Variants in QRSL1 observed in about 807,000 individuals in gnomAD.
The protein encoded by QRSL1 is glutaminyl-tRNA amidotransferase subunit QRSL1.
Under a neutral mutation model 61.6 loss-of-function variants are expected in QRSL1, and 54 were observed. The ratio of observed to expected loss-of-function variants is 0.88; its 90% CI spans 0.70 to 1.10. The LOEUF is 1.10. QRSL1 is among the 50% of genes least tolerant of loss of function. The probability of loss-of-function intolerance (pLI) is 0.00; values close to 1 mark genes in which losing one functional copy is unlikely to be tolerated. For synonymous variants in QRSL1, 228 were observed against 225.7 expected (o/e 1.01, Z -0.09); for missense variants, 505 against 622.6 (o/e 0.81, Z 2.01).
chr6:106,649,200 G>C lies in QRSL1; in HGVS notation c.556G>C (p.Ala186Pro). The change falls in exon 5 of 11, where the codon GCG becomes CCG. Residue 186 changes from alanine (A) to proline (P), a missense_variant and splice_region_variant. Ala to Pro is a conservative substitution (Grantham distance 27). Coordinates refer to ENST00000369046, the MANE Select transcript of QRSL1 (RefSeq NM_018292.5). ...AAAVSAFTCY[A>P]ALGSDTGGST... ...TGCTGTATCGGCGTTCACATGCTAC[G>C]CGTAAGATGCTTTTCTCTATCTGTA... 6.2e-7 allele frequency: 1 copy of C among 1,613,534 alleles called. No individual in the cohort carries two copies. Among genetic ancestry groups the C allele is most frequent in the South Asian group, 1.1e-5 (1 of 91,044 alleles).
chr6:106,644,445 A>G (rs1777076154), intron 4 of QRSL1, among the ~76,000 whole-genome samples: 1 of 151,868 alleles, frequency 6.6e-6, no homozygotes, highest in African/African-American at 2.4e-5. Flanking sequence ...AGCACACATC[A>G]CCTCACCTGG....
intron 7 of QRSL1, among the ~76,000 whole-genome samples, chr6:106,654,059 A>C (rs928100805): frequency 1.3e-5 from 2 of 152,120 alleles, no homozygotes; most frequent in African/African-American, 4.8e-5. Context: ...ATCTTTGAAA[A>C]TCATCTAACA....
chr6:106,643,928 A>G (rs1330055415), intron 4 of QRSL1, among the ~76,000 whole-genome samples: 2 of 150,790 alleles, frequency 1.3e-5, no homozygotes, highest in East Asian at 2.0e-4. Context: ...CTGGAATGCA[A>G]TGGTGCGATC....
chr6:106,640,173 G>T (rs1385982158), intron 1 of QRSL1, 176 bp from the exon 2 acceptor site: 1 of 589,224 alleles, frequency 1.7e-6, no homozygotes, highest in Non-Finnish European at 3.0e-6. Flanking sequence ...GCTGATCAGT[G>T]CATCACCCTT....
chr6:106,654,995 A>C, intron 8 of QRSL1, 73 bp downstream of exon 8: 2 of 1,339,764 alleles, frequency 1.5e-6, no homozygotes, highest in Non-Finnish European at 2.0e-6. Context: ...ATTAGTGACA[A>C]AAAAGTTAAT....
At chr6:106,630,204 A>C (rs969586701) in intron 1 of QRSL1, among the ~76,000 whole-genome samples, 1 of 152,172 alleles carries the variant, frequency 6.6e-6, no homozygotes, top group African/African-American at 2.4e-5. Context: ...CATGTCCTGG[A>C]CGTCGTGTTT....
chr6:106,630,079 C>T (rs997417158), intron 1 of QRSL1, among the ~76,000 whole-genome samples: 3 of 152,248 alleles, frequency 2.0e-5, no homozygotes, highest in Middle Eastern at 3.4e-3. Flanking sequence ...CTAAGAAGCC[C>T]GGCGAAACTG....
At chr6:106,644,804 C>A (rs1246691204) in intron 4 of QRSL1, among the ~76,000 whole-genome samples, 1 of 152,158 alleles carries the variant, frequency 6.6e-6, no homozygotes, top group Non-Finnish European at 1.5e-5. Context: ...TAGACGTGAG[C>A]CATCGTGCCT....
intron 4 of QRSL1, among the ~76,000 whole-genome samples, chr6:106,647,181 C>G (rs1777121987): frequency 6.6e-6 from 1 of 151,808 alleles, no homozygotes; most frequent in African/African-American, 2.4e-5. Context: ...GAACCGATAT[C>G]CAAAATACAT....
chr6:106,638,250 A>G (rs1776954454), intron 1 of QRSL1, among the ~76,000 whole-genome samples: 1 of 151,972 alleles, frequency 6.6e-6, no homozygotes, highest in South Asian at 2.1e-4. Context: ...TGATGTTAAA[A>G]CGCACTGCTC....
chr6:106,632,013 G>T (rs1776843391), intron 1 of QRSL1, among the ~76,000 whole-genome samples: 2 of 152,236 alleles, frequency 1.3e-5, no homozygotes, highest in East Asian at 1.9e-4. Flanking sequence ...CCTCCACGAG[G>T]TCAATTGTTT....
rs1379656505 is a variant in QRSL1, at chr6:106,667,596, TC to T, written c.*1595del. Reference sequence around the variant, plus strand: ...AAGAGAAAATAATGAGTCAGAATCATCTGCAGAACCACTGGAATGTTTCATC... The same window carrying T: ...AAGAGAAAATAATGAGTCAGAATCATTGCAGAACCACTGGAATGTTTCATC... On this transcript the variant is annotated 3_prime_UTR_variant, in exon 11 of 11. Transcript: ENST00000369046. The T allele has an allele frequency of 1.8e-4, 28 of 152,326 alleles. No homozygotes were observed. The highest frequency in any genetic ancestry group is 6.0e-4 in the African/African-American group (25 of 41,582). The allele number at this position is 152,326 out of a possible 1,614,324, so 9.4% of individuals were successfully genotyped here.
In QRSL1 at chr6:106,667,797, T is replaced by C. The variant is rs1777465341; in HGVS notation, c.*1795T>C. On this transcript the variant is annotated 3_prime_UTR_variant, in exon 11 of 11. Coordinates refer to ENST00000369046, the MANE Select transcript of QRSL1 (RefSeq NM_018292.5). ...AAGAAATCCATGAGAGAAAATTGCATTACTTTATAGCAAGAGGAAACCGTT... is the reference window on the plus strand; with the variant it reads ...AAGAAATCCATGAGAGAAAATTGCACTACTTTATAGCAAGAGGAAACCGTT... The C allele has an allele frequency of 6.6e-6, 1 of 152,098 alleles. No individual in the cohort carries two copies. The allele number at this position is 152,098 out of a possible 1,614,324, so 9.4% of individuals were successfully genotyped here.
intron 1 of QRSL1, among the ~76,000 whole-genome samples, chr6:106,639,111 G>GTTTTTTTTTTTTTTTTTTTTT (rs1562164982): frequency 1.6e-4 from 10 of 60,748 alleles, no homozygotes; most frequent in African/African-American, 6.0e-4. Context: ...TTATTTGTGT[G>GTTTTTTTTTTTTTTTTTTTTT]TTTTGTTGTT....
chr6:106,661,249 G>A (rs775533675), intron 9 of QRSL1, among the ~76,000 whole-genome samples: 1 of 151,988 alleles, frequency 6.6e-6, no homozygotes, highest in Non-Finnish European at 1.5e-5. Flanking sequence ...CAGTAGCTGG[G>A]ACTACAGGCG....
At chr6:106,637,221 T>G (rs978588627) in intron 1 of QRSL1, among the ~76,000 whole-genome samples, 4 of 152,214 alleles carry the variant, frequency 2.6e-5, no homozygotes, top group South Asian at 2.1e-4. Context: ...AGACATGGGA[T>G]GGCTGGAGTT....
rs2353035 is a variant in QRSL1, at chr6:106,651,791, C to T, written c.558-418C>T. ...TCAATATCAACATCAGAAGAAAGTG[C>T]AAGATTTATATGTATATTGAAAGGA... On this transcript the variant is annotated intron_variant, in intron 5 of 10. Coordinates refer to ENST00000369046, the MANE Select transcript of QRSL1 (RefSeq NM_018292.5). Among the ~76,000 whole-genome samples the T allele has an allele frequency of 8.7e-3, 1,323 of 151,994 alleles. 22 individuals carry two copies. The highest frequency in any genetic ancestry group is 8.3e-3 in the Non-Finnish European group (561 of 67,980).
chr6:106,639,928 A>C (rs1776990534), intron 1 of QRSL1, among the ~76,000 whole-genome samples: 1 of 152,168 alleles, frequency 6.6e-6, no homozygotes, highest in Non-Finnish European at 1.5e-5. Flanking sequence ...GAGCCATAAA[A>C]ATCCTGCAAT....
rs1342114022 is a variant in QRSL1, at chr6:106,639,187, G to A, written c.25-1162G>A. Among the ~76,000 whole-genome samples the A allele has an allele frequency of 4.2e-5, 6 of 143,482 alleles. No homozygotes were observed. In the South Asian group the frequency reaches 8.9e-4, roughly 21 times the overall value. 94.1% of individuals were successfully genotyped at this position (143,482 alleles called of 152,430 possible). A position where few individuals can be genotyped will look rare whatever the true frequency, so the allele number is the denominator to read the frequency against. On this transcript the variant is annotated intron_variant, in intron 1 of 10. Transcript: ENST00000369046. ...TGTCACCAGGCTGGAGTGCAGTGGC[G>A]CGATCTTGGCTCACTGCAACCTCCG... is the stretch of plus-strand genomic sequence containing the variant.
Sources: allele counts gnomAD v4.1 joint callset (sites outside exome capture counted in the v4.1 genomes callset), GRCh38; gene constraint gnomAD v4.1.1; transcripts MANE v1.5; gene names NCBI Gene and HGNC (gene_info 2026-07-23, HGNC 2026-07-21).